DMAC2: variants seen among roughly 807,000 people sequenced by gnomAD.
DMAC2 encodes the protein distal membrane-arm assembly complex protein 2.
In DMAC2, 32 loss-of-function variants were observed where a neutral mutation model predicts 29.6. That is an observed-to-expected ratio of 1.08 (90% CI 0.81 to 1.45). The LOEUF is 1.45. DMAC2 is among the 40% of genes most tolerant of loss of function. DMAC2 has a pLI of 0.00. For synonymous variants in DMAC2, 133 were observed against 137.4 expected (o/e 0.97, Z 0.23); for missense variants, 319 against 340.0 (o/e 0.94, Z 0.49).
At position 41,431,965 on chromosome 19, in the gene DMAC2, G is replaced by A. The variant is rs972656211; in HGVS notation, c.*266C>T. 7.6e-6 allele frequency: 4 copies of A among 529,450 alleles called. No individual in the cohort carries two copies. Among genetic ancestry groups the A allele is most frequent in the South Asian group, 7.0e-5 (3 of 42,888 alleles). 32.8% of individuals were successfully genotyped at this position (529,450 alleles called of 1,614,324 possible). A position where few individuals can be genotyped will look rare whatever the true frequency, so the allele number is the denominator to read the frequency against. On this transcript the variant is annotated 3_prime_UTR_variant, in exon 6 of 6. Coordinates refer to ENST00000221943, the MANE Select transcript of DMAC2 (RefSeq NM_018035.3). ...TGACAAGGTGAGTGTGGCTCTCTGC[G>A]GCTACTAACAGCCTGAGCCTTTACC...
At chr19:41,438,062 T>C (rs1405638123) in intron 2 of DMAC2, among the ~76,000 whole-genome samples, 156 bp downstream of exon 2, 1 of 152,186 alleles carries the variant, frequency 6.6e-6, no homozygotes, top group Non-Finnish European at 1.5e-5. Flanking sequence ...CTATGTGAGC[T>C]GGAGTCCTTG....
At chr19:41,435,141 G>T (rs1332243221) in intron 3 of DMAC2, among the ~76,000 whole-genome samples, 2 of 152,124 alleles carry the variant, frequency 1.3e-5, no homozygotes, top group South Asian at 4.1e-4. Context: ...CACCATGCCT[G>T]GGTAATTTTG....
chr19:41,434,272 G>A (rs1239096736), intron 3 of DMAC2, among the ~76,000 whole-genome samples: 2 of 151,678 alleles, frequency 1.3e-5, no homozygotes, highest in Admixed American at 6.6e-5. Flanking sequence ...GCTGGGCTTG[G>A]TGGCTTGCAC....
intron 2 of DMAC2, 69 bp downstream of exon 2, chr19:41,438,149 G>A: frequency 3.4e-6 from 5 of 1,452,850 alleles, no homozygotes; most frequent in Non-Finnish European, 4.7e-6. Context: ...GCCTGGGAAT[G>A]GCAAGGACAG....
chr19:41,439,146 C>T (rs1270734418), intron 1 of DMAC2: 2 of 270,840 alleles, frequency 7.4e-6, no homozygotes, highest in East Asian at 2.1e-4. Context: ...GAAGAAGCCC[C>T]CAAACTCTTC....
chr19:41,437,211 C>A (rs1210690184), intron 2 of DMAC2, among the ~76,000 whole-genome samples: 1 of 151,670 alleles, frequency 6.6e-6, no homozygotes, highest in African/African-American at 2.4e-5. Flanking sequence ...ACCAGCCTGG[C>A]CAACATGGTG....
At chr19:41,432,875 T>C (rs561330366) in intron 5 of DMAC2, 18 of 525,430 alleles carry the variant, frequency 3.4e-5, no homozygotes, top group Middle Eastern at 9.7e-4. Flanking sequence ...CGTGCGTGTG[T>C]GTGTGTGCGT....
intron 5 of DMAC2, 107 bp downstream of exon 5, chr19:41,433,165 G>T: frequency 8.2e-7 from 1 of 1,226,708 alleles, no homozygotes; most frequent in Non-Finnish European, 1.1e-6. Flanking sequence ...TGGATGCAGG[G>T]GGATATGAGA....
At chr19:41,435,356 G>A (rs1399283464) in intron 3 of DMAC2, among the ~76,000 whole-genome samples, 1 of 151,842 alleles carries the variant, frequency 6.6e-6, no homozygotes, top group African/African-American at 2.4e-5. Context: ...TGCAACCTCT[G>A]CATCCCGGCT....
At chr19:41,432,674 GTGTA>G (rs1555769580) in intron 5 of DMAC2, 9 of 366,028 alleles carry the variant, frequency 2.5e-5, no homozygotes, top group Admixed American at 4.9e-5. Flanking sequence ...GTGTGTGTGT[GTGTA>G]TAGGGAGATA....
intron 2 of DMAC2, among the ~76,000 whole-genome samples, chr19:41,436,750 G>T (rs943928093): frequency 6.6e-6 from 1 of 152,218 alleles, no homozygotes; most frequent in East Asian, 1.9e-4. Context: ...ACAGCAAACT[G>T]CAGAGAATGT....
chr19:41,432,842 A>G (rs2039636647), intron 5 of DMAC2: 2 of 463,216 alleles, frequency 4.3e-6, no homozygotes, highest in South Asian at 6.0e-5. Context: ...CCCAAATTTC[A>G]ACCTTACAGG....
chr19:41,433,026 G>C, intron 5 of DMAC2: 1 of 537,638 alleles, frequency 1.9e-6, no homozygotes, highest in East Asian at 3.1e-5. Context: ...TCCAGCTCCT[G>C]CTGTTCTGCA....
At position 41,433,395 on chromosome 19, in the gene DMAC2, C is replaced by T; in HGVS notation, c.473G>A (p.Cys158Tyr). The change falls in exon 5 of 6, where the codon TGC becomes TAC. Residue 158 changes from cysteine to tyrosine, a missense_variant. Transcript: ENST00000221943. ...GAGACACCAGTCGTCCACGTGGCAG[C>T]AGCGCTGCAGCGACAAGGACTGGAG... ...KELQSLSLQR[C>Y]CHVDDWCLSR... 6.2e-7 allele frequency: 1 copy of T among 1,613,396 alleles called. No individual in the cohort carries two copies.
At chr19:41,432,817 TA>T (rs2039634199) in intron 5 of DMAC2, 2 of 415,692 alleles carry the variant, frequency 4.8e-6, no homozygotes, top group African/African-American at 2.5e-5. Context: ...TGTGTGTGTG[TA>T]GGGAGGTACT....
intron 2 of DMAC2, among the ~76,000 whole-genome samples, chr19:41,436,961 T>C (rs782291136): frequency 1.8e-4 from 28 of 152,252 alleles, no homozygotes; most frequent in Middle Eastern, 6.8e-3. Flanking sequence ...AATAGGGATG[T>C]CATGCTGAAG....
intron 5 of DMAC2, chr19:41,432,731 A>C: frequency 9.1e-6 from 2 of 220,520 alleles, no homozygotes; most frequent in Non-Finnish European, 1.6e-5. Context: ...GTGTGTGTGT[A>C]GGGAGGTACA....
chr19:41,433,756 TATA>T, intron 3 of DMAC2, 83 bp from the exon 4 acceptor site: 1 of 1,553,788 alleles, frequency 6.4e-7, no homozygotes, highest in Admixed American at 1.8e-5. Context: ...CCCAGCCCTA[TATA>T]ATATGTATAG....
Position 41,433,658 on chromosome 19 carries a change from C to A in DMAC2, c.312G>T (p.Glu104Asp). The change falls in exon 4 of 6, where the codon GAG (glutamate) becomes GAT (aspartate). Residue 104 changes from glutamate to aspartate, a missense_variant. Physicochemically the swap from Glu to Asp is conservative, Grantham distance 45. Coordinates refer to ENST00000221943, the MANE Select transcript of DMAC2 (RefSeq NM_018035.3). ...GGCCATACTTATCTGGCCTGATCCA[C>A]TCCTTGTCTCGAAACCTGGAAACGG... is the stretch of plus-strand genomic sequence containing the variant. ...QGGAVKFRDK[E>D]WIRPDKYGHF... 6.2e-7 allele frequency: 1 copy of A among 1,614,244 alleles called. No homozygotes were observed. The highest frequency in any genetic ancestry group is 8.5e-7 in the Non-Finnish European group (1 of 1,180,030).
Sources: allele counts gnomAD v4.1 joint callset (sites outside exome capture counted in the v4.1 genomes callset), GRCh38; gene constraint gnomAD v4.1.1; transcripts MANE v1.5; gene names NCBI Gene and HGNC (gene_info 2026-07-23, HGNC 2026-07-21).